The following CLASP1 variants were observed in gnomAD, a reference collection of about 807,000 sequenced individuals.
CLASP1 encodes cytoplasmic linker associated protein 1.
Under a neutral mutation model 192.3 loss-of-function variants are expected in CLASP1, and 38 were observed. The observed-to-expected ratio is 0.20, with a 90% CI of 0.15 to 0.26. The LOEUF (loss-of-function observed/expected upper bound fraction) is 0.26. Among genes scored for constraint, CLASP1 ranks in the 10% least tolerant of loss-of-function variants. The pLI, the probability that CLASP1 is intolerant of heterozygous loss-of-function variation, is 1.00. For synonymous variants in CLASP1, 691 were observed against 712.8 expected, an observed-to-expected ratio of 0.97 and a Z score of 0.49; for missense variants, 1,433 against 1,932.5, an observed-to-expected ratio of 0.74 and a Z score of 4.85.
chr2:121,397,957 C>A (rs1466509955), intron 29 of CLASP1, among the ~76,000 whole-genome samples: 1 of 151,612 alleles, frequency 6.6e-6, no homozygotes, highest in Non-Finnish European at 1.5e-5. Context: ...AGATACCTAT[C>A]TCTACACACA....
chr2:121,378,259 T>C (rs1482507739), intron 33 of CLASP1, among the ~76,000 whole-genome samples: 2 of 152,204 alleles, frequency 1.3e-5, no homozygotes, highest in Admixed American at 1.3e-4. Context: ...GAGCTTGCTA[T>C]TAATATCAGA....
At chr2:121,523,492 A>G (rs890649330) in intron 6 of CLASP1, among the ~76,000 whole-genome samples, 14 of 152,206 alleles carry the variant, frequency 9.2e-5, no homozygotes, top group African/African-American at 3.4e-4. Context: ...CTTTTAAGTG[A>G]GACCTCCTCT....
At chr2:121,358,633 G>A (rs184706023) in intron 37 of CLASP1, among the ~76,000 whole-genome samples, 1 of 152,374 alleles carries the variant, frequency 6.6e-6, no homozygotes, top group East Asian at 1.9e-4. Flanking sequence ...AACCAGACAA[G>A]TTCCCAGGAA....
chr2:121,529,334 A>G (rs1424043264), intron 3 of CLASP1, among the ~76,000 whole-genome samples: 1 of 152,226 alleles, frequency 6.6e-6, no homozygotes, highest in Non-Finnish European at 1.5e-5. Context: ...GCTTATTTTA[A>G]GAGTTTGTAA....
At chr2:121,440,819 G>GA (rs11338192) in intron 19 of CLASP1, among the ~76,000 whole-genome samples, 149 of 132,074 alleles carry the variant, frequency 1.1e-3, no homozygotes, top group Middle Eastern at 3.7e-3. Context: ...ACAAGTAACA[G>GA]AAAAAAAAAA....
intron 30 of CLASP1, among the ~76,000 whole-genome samples, 194 bp downstream of exon 31, chr2:121,396,945 GC>G (rs2075376736): frequency 6.6e-6 from 1 of 152,168 alleles, no homozygotes; most frequent in Non-Finnish European, 1.5e-5. Context: ...GAAACCATAA[GC>G]CCATCATGCA....
chr2:121,439,708 G>C (rs937076155), intron 19 of CLASP1, among the ~76,000 whole-genome samples: 1 of 151,528 alleles, frequency 6.6e-6, no homozygotes, highest in Non-Finnish European at 1.5e-5. Context: ...TGATAGACTG[G>C]ATTAAGAAAA....
intron 8 of CLASP1, among the ~76,000 whole-genome samples, chr2:121,474,595 G>A (rs2091349909): frequency 6.6e-6 from 1 of 152,144 alleles, no homozygotes; most frequent in Admixed American, 6.5e-5. Flanking sequence ...AATTAGCCGG[G>A]CATGGTGGTG....
At chr2:121,647,771 CAG>C (rs1350316752) in intron 1 of CLASP1, among the ~76,000 whole-genome samples, 1 of 152,204 alleles carries the variant, frequency 6.6e-6, no homozygotes, top group Non-Finnish European at 1.5e-5. Context: ...AGTTGTAACA[CAG>C]AGATACAATA....
chr2:121,590,928 T>C (rs1576294005), intron 2 of CLASP1, among the ~76,000 whole-genome samples: 1 of 149,666 alleles, frequency 6.7e-6, no homozygotes, highest in South Asian at 2.1e-4. Context: ...AGAGCAATGG[T>C]GCAATCTCGG....
intron 25 of CLASP1, among the ~76,000 whole-genome samples, chr2:121,405,629 C>G (rs530502237): frequency 2.0e-5 from 3 of 152,294 alleles, no homozygotes; most frequent in South Asian, 2.1e-4. Context: ...TTGTTAACGA[C>G]GTAACCTAGA....
intron 1 of CLASP1, among the ~76,000 whole-genome samples, chr2:121,635,393 C>A (rs1022622541): frequency 7.2e-5 from 11 of 151,904 alleles, no homozygotes; most frequent in African/African-American, 2.7e-4. Context: ...TAAATGTCTT[C>A]TAAAAAAGAC....
At chr2:121,484,249 A>C (rs1035515044) in intron 8 of CLASP1, among the ~76,000 whole-genome samples, 1 of 152,202 alleles carries the variant, frequency 6.6e-6, no homozygotes, top group African/African-American at 2.4e-5. Context: ...AAATAGGTCA[A>C]GTGAGTGTGC....
intron 2 of CLASP1, among the ~76,000 whole-genome samples, chr2:121,574,458 A>G (rs555746007): frequency 1.6e-3 from 236 of 152,054 alleles, no homozygotes; most frequent in African/African-American, 5.5e-3. Context: ...AACGTGGTGA[A>G]ACCCTGTCTC....
chr2:121,549,990 A>G (rs2057875279), intron 2 of CLASP1, among the ~76,000 whole-genome samples: 1 of 142,856 alleles, frequency 7.0e-6, no homozygotes, highest in Non-Finnish European at 1.5e-5. Context: ...TGGGTGACAG[A>G]GCACGACTCC....
intron 22 of CLASP1, among the ~76,000 whole-genome samples, chr2:121,423,141 T>C (rs960602346): frequency 7.2e-5 from 11 of 152,158 alleles, no homozygotes; most frequent in Non-Finnish European, 8.8e-5. Flanking sequence ...TTTCTTTATA[T>C]GCATATATTC....
intron 32 of CLASP1, among the ~76,000 whole-genome samples, chr2:121,386,096 T>G (rs2073128705): frequency 1.3e-5 from 2 of 152,188 alleles, no homozygotes; most frequent in African/African-American, 4.8e-5. Flanking sequence ...TCCAAAGTAT[T>G]TAAAGGATAT....
intron 3 of CLASP1, among the ~76,000 whole-genome samples, chr2:121,529,875 G>C (rs533602047): frequency 2.6e-5 from 4 of 152,192 alleles, no homozygotes; most frequent in Admixed American, 2.6e-4. Context: ...GCACTAAAGA[G>C]TGACAGCTAA....
intron 9 of CLASP1, among the ~76,000 whole-genome samples, chr2:121,464,234 C>G (rs1405184370): frequency 2.0e-5 from 3 of 151,956 alleles, no homozygotes; most frequent in Non-Finnish European, 4.4e-5. Context: ...TTTTCTTAAT[C>G]CAGTCTATCA....
Sources: gnomAD v4.1 joint callset for allele counts (sites outside exome capture counted in the v4.1 genomes callset) on GRCh38, gnomAD v4.1.1 for gene constraint, MANE v1.5 for transcripts, NCBI Gene and HGNC (gene_info 2026-07-23, HGNC 2026-07-21) for gene names.